IL1RAPL1: variants seen among roughly 807,000 people sequenced by gnomAD.
IL1RAPL1 encodes the protein interleukin-1 receptor accessory protein-like 1.
IL1RAPL1 carries 3 observed loss-of-function variants against 48.4 expected under a neutral mutation model. The observed-to-expected ratio is 0.06, with a 90% CI of 0.03 to 0.16. The LOEUF (loss-of-function observed/expected upper bound fraction) is 0.16, where lower values mean the gene tolerates loss of function less well. Among genes scored for constraint, IL1RAPL1 ranks in the 10% least tolerant of loss-of-function variants. The pLI, the probability that IL1RAPL1 is intolerant of heterozygous loss-of-function variation, is 1.00. For missense variants in IL1RAPL1, 349 were observed against 530.6 expected, an observed-to-expected ratio of 0.66 and a Z score of 3.36; for synonymous variants, 185 against 187.7, an observed-to-expected ratio of 0.99 and a Z score of 0.12.
intron 6 of IL1RAPL1, among the ~76,000 whole-genome samples, chrX:29,675,927 A>T (rs1926273761): frequency 8.9e-6 from 1 of 112,669 alleles, no homozygotes; most frequent in South Asian, 3.6e-4. Context: ...TGGAGACTCA[A>T]AATGGCTACA....
At chrX:29,122,655 A>C (rs1235019602) in intron 2 of IL1RAPL1, among the ~76,000 whole-genome samples, 1 of 111,315 alleles carries the variant, frequency 9.0e-6, no homozygotes, top group African/African-American at 3.3e-5. Flanking sequence ...GAAAAGAAGT[A>C]GTAATTAATA....
rs1931668229 is a variant in IL1RAPL1, at chrX:29,865,405, T to A, written c.779-52059T>A. On this transcript the variant is annotated intron_variant, in intron 6 of 10. Coordinates refer to ENST00000378993, the MANE Select transcript of IL1RAPL1 (RefSeq NM_014271.4). ...TGCTCTAGAATAGGCAAAAACACTT[T>A]GCCTAAAAAGTTGTGTACGTGAATG... 2.7e-5 allele frequency among the ~76,000 whole-genome samples: 3 copies of A among 111,668 alleles called. No individual in the cohort carries two copies. In the South Asian group the frequency reaches 1.1e-3, roughly 42 times the overall value.
chrX:28,787,044 T>C (rs969975502), intron 1 of IL1RAPL1, among the ~76,000 whole-genome samples: 10 of 112,291 alleles, frequency 8.9e-5, no homozygotes, highest in African/African-American at 3.2e-4. Flanking sequence ...TATGGATTTC[T>C]TTTTGTGTTC....
At chrX:29,726,525 C>T (rs1056731245) in intron 6 of IL1RAPL1, among the ~76,000 whole-genome samples, 2 of 112,342 alleles carry the variant, frequency 1.8e-5, no homozygotes, top group Non-Finnish European at 3.8e-5. Context: ...AGTCTCTTTC[C>T]ATTTGCCTCT....
chrX:28,636,340 C>T (rs752183357), intron 1 of IL1RAPL1, among the ~76,000 whole-genome samples: 4 of 111,713 alleles, frequency 3.6e-5, no homozygotes, highest in Non-Finnish European at 7.5e-5. Context: ...AACTTGAATA[C>T]CATCTTGGAA....
At chrX:28,859,580 C>T (rs902430384) in intron 2 of IL1RAPL1, among the ~76,000 whole-genome samples, 8 of 110,633 alleles carry the variant, frequency 7.2e-5, no homozygotes, top group African/African-American at 9.8e-5. Context: ...ATTTAAAATA[C>T]GTATTTCAAA....
intron 6 of IL1RAPL1, among the ~76,000 whole-genome samples, chrX:29,767,332 A>T (rs1231912919): frequency 8.9e-6 from 1 of 111,765 alleles, no homozygotes; most frequent in African/African-American, 3.2e-5. Context: ...ATTTTCTCCG[A>T]CTCATTTGGA....
chrX:28,688,905 G>A (rs962959928), intron 1 of IL1RAPL1, among the ~76,000 whole-genome samples: 1 of 111,238 alleles, frequency 9.0e-6, no homozygotes, highest in African/African-American at 3.3e-5. Flanking sequence ...TAGAAAAATA[G>A]CATCTATAAA....
chrX:29,278,054 AACTTT>A (rs1383034351), intron 2 of IL1RAPL1, among the ~76,000 whole-genome samples: 4 of 111,718 alleles, frequency 3.6e-5, no homozygotes, highest in African/African-American at 9.8e-5. Context: ...AGGGATGCTC[AACTTT>A]ACTTTAAAGT....
chrX:29,796,006 T>C (rs914823670), intron 6 of IL1RAPL1, among the ~76,000 whole-genome samples: 1 of 112,589 alleles, frequency 8.9e-6, no homozygotes, highest in Non-Finnish European at 1.9e-5. Context: ...TTATGACCAC[T>C]GATAATGGTG....
chrX:29,282,246 C>T (rs921008801), intron 2 of IL1RAPL1, among the ~76,000 whole-genome samples: 2 of 112,456 alleles, frequency 1.8e-5, no homozygotes, highest in African/African-American at 6.5e-5. Flanking sequence ...TGAGATAGCA[C>T]ACCTGAGAAA....
chrX:29,808,980 T>C (rs1386059091), intron 6 of IL1RAPL1, among the ~76,000 whole-genome samples: 1 of 111,783 alleles, frequency 8.9e-6, no homozygotes, highest in Non-Finnish European at 1.9e-5. Flanking sequence ...GATATTTGCT[T>C]TGTTCCTGTA....
chrX:29,802,876 T>C (rs1177239689), intron 6 of IL1RAPL1, among the ~76,000 whole-genome samples: 11 of 88,381 alleles, frequency 1.2e-4, no homozygotes, highest in Non-Finnish European at 1.7e-4. Context: ...TATGTATACA[T>C]ATATGTATAT....
At chrX:28,647,271 A>T (rs1934623973) in intron 1 of IL1RAPL1, among the ~76,000 whole-genome samples, 1 of 112,009 alleles carries the variant, frequency 8.9e-6, no homozygotes, top group South Asian at 3.7e-4. Context: ...TCTTCCAGAA[A>T]CTTCAAACTG....
chrX:29,298,514 C>T (rs1437274159), intron 3 of IL1RAPL1, among the ~76,000 whole-genome samples: 1 of 111,894 alleles, frequency 8.9e-6, no homozygotes, highest in African/African-American at 3.2e-5. Flanking sequence ...TCTAAAATTG[C>T]CTGAAATCTC....
intron 2 of IL1RAPL1, among the ~76,000 whole-genome samples, chrX:29,250,313 A>G (rs932141856): frequency 1.6e-4 from 18 of 112,580 alleles, no homozygotes; most frequent in Non-Finnish European, 3.0e-4. Flanking sequence ...AAGATATTTG[A>G]TGAGCATCCT....
In IL1RAPL1 at chrX:29,854,542, T is replaced by C. The variant is rs140778998; in HGVS notation, c.779-62922T>C. ...ATTGACAAGCCACCCAAGGTCAGGA[T>C]TGGGGGCTGGTCTGGTTCTGGAATC... is the stretch of plus-strand genomic sequence containing the variant. On this transcript the variant is annotated intron_variant, in intron 6 of 10. Coordinates refer to ENST00000378993, the MANE Select transcript of IL1RAPL1 (RefSeq NM_014271.4). 7.2e-5 allele frequency among the ~76,000 whole-genome samples: 8 copies of C among 111,718 alleles called. No individual in the cohort carries two copies. In the East Asian group the frequency reaches 1.4e-3, roughly 20 times the overall value.
intron 3 of IL1RAPL1, among the ~76,000 whole-genome samples, chrX:29,318,312 C>T (rs1174047488): frequency 8.9e-6 from 1 of 112,310 alleles, no homozygotes; most frequent in Non-Finnish European, 1.9e-5. Context: ...CAACATAATA[C>T]AGGATTATAG....
At chrX:29,562,102 T>TA (rs760416305) in intron 5 of IL1RAPL1, among the ~76,000 whole-genome samples, 10 of 89,781 alleles carry the variant, frequency 1.1e-4, no homozygotes, top group African/African-American at 3.3e-4. Context: ...TCTATCTATC[T>TA]ATCTATCTAT....
Sources: allele counts gnomAD v4.1 joint callset (sites outside exome capture counted in the v4.1 genomes callset), GRCh38; gene constraint gnomAD v4.1.1; transcripts MANE v1.5; gene names NCBI Gene and HGNC (gene_info 2026-07-23, HGNC 2026-07-21).